VPS8: variants seen among roughly 807,000 people sequenced by gnomAD.
The protein encoded by VPS8 is VPS8 subunit of CORVET complex.
In VPS8, 129 loss-of-function variants were observed where a neutral mutation model predicts 216.4. That is an observed-to-expected ratio of 0.60 (90% CI 0.52 to 0.69). The LOEUF is 0.69. Among genes scored for constraint, VPS8 ranks in the 30% least tolerant of loss-of-function variants. The probability of loss-of-function intolerance (pLI) is 0.00; values close to 1 mark genes in which losing one functional copy is unlikely to be tolerated. For synonymous variants in VPS8, 571 were observed against 565.4 expected (o/e 1.01, Z -0.14); for missense variants, 1,531 against 1,683.5 (o/e 0.91, Z 1.59).
rs774314389 is a variant in VPS8, at chr3:185,048,559, G to T, written c.4137G>T (p.Arg1379Ser). Reference protein sequence around the residue: ...QLCRLYRGSSRLALLTELSQN... With the variant: ...QLCRLYRGSSSLALLTELSQN... ...GCCGTCTCTACCGAGGAAGCTCCAGGGTAATGTTTGCGTGGTTGTTTATAT... is the reference window on the plus strand; with the variant it reads ...GCCGTCTCTACCGAGGAAGCTCCAGTGTAATGTTTGCGTGGTTGTTTATAT... Residue 1379 changes from arginine (R) to serine (S), a missense_variant and splice_region_variant, in exon 47 of 48, where the codon AGG becomes AGT. Arg to Ser is a moderately radical substitution (Grantham distance 110). This residue lies in a region of VPS8 where 1,318 missense variants were observed against 1,468.4 expected (regional missense o/e 0.90). Coordinates refer to ENST00000625842, the MANE Select transcript of VPS8 (RefSeq NM_001009921.3). 6.2e-7 allele frequency: 1 copy of T among 1,613,732 alleles called. No homozygotes were observed. Among genetic ancestry groups the T allele is most frequent in the South Asian group, 1.1e-5 (1 of 91,064 alleles).
At chr3:184,901,476 C>T (rs1393252202) in intron 25 of VPS8, 1 of 151,246 alleles carries the variant, frequency 6.6e-6, no homozygotes, top group African/African-American at 2.4e-5. Flanking sequence ...GCTGCTACAA[C>T]ATTTGTGGAC....
chr3:184,912,227 A>G (rs536039158), intron 25 of VPS8, among the ~76,000 whole-genome samples: 2 of 152,316 alleles, frequency 1.3e-5, no homozygotes, highest in Admixed American at 6.5e-5. Flanking sequence ...ATTCGTCTCA[A>G]AGTGTGGCGT....
chr3:184,986,598 C>T (rs1560995278), intron 42 of VPS8, among the ~76,000 whole-genome samples: 3 of 152,138 alleles, frequency 2.0e-5, no homozygotes, highest in Admixed American at 2.0e-4. Flanking sequence ...GGTTCATTTT[C>T]TTGAGACACT....
chr3:184,882,918 C>G (rs1003904142), intron 21 of VPS8, among the ~76,000 whole-genome samples: 10 of 152,056 alleles, frequency 6.6e-5, no homozygotes, highest in Admixed American at 5.9e-4. Context: ...TGCTTCATTC[C>G]TGATGTTTTC....
At chr3:184,930,979 T>C (rs963159429) in intron 34 of VPS8, among the ~76,000 whole-genome samples, 1 of 152,206 alleles carries the variant, frequency 6.6e-6, no homozygotes, top group Non-Finnish European at 1.5e-5. Context: ...GGATGATGAT[T>C]CTGACCTAGC....
At chr3:185,045,357 T>C (rs1179368154) in intron 46 of VPS8, among the ~76,000 whole-genome samples, 1 of 152,152 alleles carries the variant, frequency 6.6e-6, no homozygotes, top group Non-Finnish European at 1.5e-5. Context: ...TCAAGTATGA[T>C]TTGGAAGGCT....
chr3:184,957,353 C>T (rs1393411131), intron 36 of VPS8, 21 bp from the exon 37 acceptor site: 2 of 1,584,292 alleles, frequency 1.3e-6, no homozygotes, highest in Admixed American at 1.8e-5. Flanking sequence ...TGAGTGTTCT[C>T]TTTATCTTTT....
At chr3:184,953,238 G>C (rs1179352053) in intron 36 of VPS8, among the ~76,000 whole-genome samples, 1 of 152,192 alleles carries the variant, frequency 6.6e-6, no homozygotes, top group Non-Finnish European at 1.5e-5. Context: ...AGACATCCCT[G>C]ATGGCTTACA....
intron 34 of VPS8, 43 bp downstream of exon 34, chr3:184,930,611 A>G: frequency 2.1e-6 from 3 of 1,440,232 alleles, no homozygotes; most frequent in Non-Finnish European, 2.9e-6. Flanking sequence ...CTGAACGATC[A>G]TCTAACCCAA....
At chr3:184,924,081 A>G (rs933437135) in intron 29 of VPS8, among the ~76,000 whole-genome samples, 2 of 152,228 alleles carry the variant, frequency 1.3e-5, no homozygotes, top group Non-Finnish European at 2.9e-5. Context: ...AGTTAAAGCC[A>G]GAGGAATGAC....
intron 25 of VPS8, among the ~76,000 whole-genome samples, chr3:184,906,243 TCTC>T (rs1303664963): frequency 6.6e-6 from 1 of 152,240 alleles, no homozygotes; most frequent in Admixed American, 6.5e-5. Flanking sequence ...CACATTTCCT[TCTC>T]ATATTGATTT....
At chr3:184,976,978 A>G (rs982168421) in intron 40 of VPS8, among the ~76,000 whole-genome samples, 1 of 152,112 alleles carries the variant, frequency 6.6e-6, no homozygotes, top group Non-Finnish European at 1.5e-5. Context: ...TATATTCCAA[A>G]TGGTGGGATT....
At position 185,016,010 on chromosome 3, in the gene VPS8, T is replaced by C. The variant is rs1016496303; in HGVS notation, c.4003-8326T>C. 4.6e-5 allele frequency among the ~76,000 whole-genome samples: 7 copies of C among 152,354 alleles called. No individual in the cohort carries two copies. The South Asian group carries it at 1.2e-3, about 27-fold the overall frequency. On this transcript the variant is annotated intron_variant, in intron 45 of 47. Coordinates refer to ENST00000625842, the MANE Select transcript of VPS8 (RefSeq NM_001009921.3). ...TCTATTTATTTGAGCTTTATGGTCT[T>C]GCTTTTTGATTAGCTGCAGCTCTGC... is the stretch of plus-strand genomic sequence containing the variant.
chr3:184,864,913 C>T (rs1727048940), intron 16 of VPS8, among the ~76,000 whole-genome samples: 1 of 151,906 alleles, frequency 6.6e-6, no homozygotes, highest in Admixed American at 6.6e-5. Flanking sequence ...AATTAGCAGA[C>T]AAAGACATAG....
intron 42 of VPS8, among the ~76,000 whole-genome samples, chr3:184,989,583 T>TTAATCAATTTAAAATGCAAG (rs1443768622): frequency 6.6e-5 from 10 of 152,128 alleles, no homozygotes; most frequent in Non-Finnish European, 1.5e-4. Flanking sequence ...GATTTTTAAA[T>TTAATCAATTTAAAATGCAAG]GTTGAACCAG....
intron 45 of VPS8, among the ~76,000 whole-genome samples, chr3:185,013,192 A>G (rs1230614315): frequency 6.6e-6 from 1 of 152,214 alleles, no homozygotes; most frequent in East Asian, 1.9e-4. Context: ...TGTGGGCGTC[A>G]TGGCCATCAT....
chr3:184,868,185 A>C, intron 18 of VPS8, 126 bp downstream of exon 18: 2 of 950,856 alleles, frequency 2.1e-6, no homozygotes, highest in Non-Finnish European at 3.2e-6. Flanking sequence ...CAAGAAAACC[A>C]TTATAGCTGT....
intron 36 of VPS8, among the ~76,000 whole-genome samples, chr3:184,951,528 A>G (rs980526933): frequency 6.6e-6 from 1 of 152,110 alleles, no homozygotes; most frequent in Non-Finnish European, 1.5e-5. Flanking sequence ...AAACTGATAT[A>G]TATTTTTAGT....
intron 19 of VPS8, 97 bp downstream of exon 19, chr3:184,869,133 C>A: frequency 1.7e-6 from 2 of 1,161,764 alleles, no homozygotes; most frequent in South Asian, 2.8e-5. Flanking sequence ...AGCTGAGTGT[C>A]GAAGTGTTTA....
Sources: gnomAD v4.1 joint callset for allele counts (sites outside exome capture counted in the v4.1 genomes callset) on GRCh38, gnomAD v4.1.1 for gene constraint, gnomAD v4.1.1 regional missense constraint, MANE v1.5 for transcripts, NCBI Gene and HGNC (gene_info 2026-07-23, HGNC 2026-07-21) for gene names.